Variants in HVCN1 observed in about 807,000 individuals in gnomAD.
HVCN1 encodes voltage-gated hydrogen channel 1.
A neutral mutation model predicts 29.2 loss-of-function variants in HVCN1; 14 were observed. The observed-to-expected ratio is 0.48, with a 90% CI of 0.32 to 0.75. The LOEUF is 0.75. HVCN1 is among the 30% of genes least tolerant of loss of function. The probability of loss-of-function intolerance (pLI) is 0.04; values close to 1 mark genes in which losing one functional copy is unlikely to be tolerated. For synonymous variants in HVCN1, 131 were observed against 133.2 expected (o/e 0.98, Z 0.11); for missense variants, 263 against 341.8 (o/e 0.77, Z 1.82).
In HVCN1 at chr12:110,676,240, C is replaced by T. The variant is rs924469944; in HGVS notation, c.21+6985G>A. 6.6e-6 allele frequency among the ~76,000 whole-genome samples: 1 copy of T among 152,230 alleles called. No homozygotes were observed. Among genetic ancestry groups the T allele is most frequent in the African/African-American group, 2.4e-5 (1 of 41,452 alleles). ...CACCCTCTGCCACTGCCCTGGCCAACCCCCTGCCTCACTTGGAGGCTGTCG... is the reference window on the plus strand; with the variant it reads ...CACCCTCTGCCACTGCCCTGGCCAATCCCCTGCCTCACTTGGAGGCTGTCG... On this transcript the variant is annotated intron_variant, in intron 3 of 7. Transcript: ENST00000242607. This position sits in a 1 kb window ranked among gnomAD's most constrained non-coding sequence, Gnocchi z 4.1.
At chr12:110,695,964 T>TC (rs1260565908) in intron 2 of HVCN1, among the ~76,000 whole-genome samples, 1 of 151,264 alleles carries the variant, frequency 6.6e-6, no homozygotes, top group Non-Finnish European at 1.5e-5. Flanking sequence ...TTTTTTTTTT[T>TC]TTTTTGAGAT....
intron 3 of HVCN1, among the ~76,000 whole-genome samples, chr12:110,672,789 C>T (rs2068627358): frequency 6.6e-6 from 1 of 152,110 alleles, no homozygotes; most frequent in African/African-American, 2.4e-5. Context: ...ATGGGTTTAT[C>T]AGGGGTTTCT....
At chr12:110,664,899 T>C (rs2068292437) in intron 3 of HVCN1, among the ~76,000 whole-genome samples, 1 of 151,972 alleles carries the variant, frequency 6.6e-6, no homozygotes, top group African/African-American at 2.4e-5. Flanking sequence ...CTACCAGAAA[T>C]TACATAGGAC....
chr12:110,672,331 C>T (rs538004973), intron 3 of HVCN1, among the ~76,000 whole-genome samples: 2 of 152,176 alleles, frequency 1.3e-5, no homozygotes, highest in African/African-American at 4.8e-5. Flanking sequence ...GAGACTCCCA[C>T]GTGCACACAG....
rs1373270559 is a variant in HVCN1 at position 110,648,688 on chromosome 12, T to A, written c.*722A>T. 12 of 216,346 alleles carry A rather than the reference T, an allele frequency of 5.5e-5. No individual in the cohort carries two copies. In the South Asian group the frequency reaches 7.1e-4, roughly 13 times the overall value. 13.4% of individuals were successfully genotyped at this position (216,346 alleles called of 1,614,324 possible). A position where few individuals can be genotyped will look rare whatever the true frequency, so the allele number is the denominator to read the frequency against. On this transcript the variant is annotated 3_prime_UTR_variant, in exon 8 of 8. Transcript: ENST00000242607. ...AATTATAGTGGAGTCTTGGGTCTAA[T>A]TGCCATTTCTGCACCAGGCACTGTA...
chr12:110,695,891 G>C (rs751151139), intron 2 of HVCN1, among the ~76,000 whole-genome samples: 9 of 152,180 alleles, frequency 5.9e-5, no homozygotes, highest in African/African-American at 2.2e-4. Flanking sequence ...CACAGAAGGG[G>C]CTGGAGTCCA....
intron 3 of HVCN1, among the ~76,000 whole-genome samples, chr12:110,675,401 G>A (rs1320520924): frequency 6.6e-6 from 1 of 152,218 alleles, no homozygotes; most frequent in Non-Finnish European, 1.5e-5. Context: ...GGAGGTTGCA[G>A]TGAGCCAAGA....
rs1015301752 is a variant in HVCN1 at position 110,649,336 on chromosome 12, G to C, written c.*74C>G. Reference sequence around the variant, plus strand: ...AAACCTCTCACCAAGCGGCCCAGGAGGGGCAGCTGTTCCTCTCGTGACAGC... The same window carrying C: ...AAACCTCTCACCAAGCGGCCCAGGACGGGCAGCTGTTCCTCTCGTGACAGC... On this transcript the variant is annotated 3_prime_UTR_variant, in exon 8 of 8. Coordinates refer to ENST00000242607, the MANE Select transcript of HVCN1 (RefSeq NM_032369.4). 3.3e-6 allele frequency: 4 copies of C among 1,224,828 alleles called. No homozygotes were observed. The highest frequency in any genetic ancestry group is 2.5e-5 in the South Asian group (2 of 79,756). The allele number at this position is 1,224,828 out of a possible 1,614,324, so 75.9% of individuals were successfully genotyped here. A position where few individuals can be genotyped will look rare whatever the true frequency, so the allele number is the denominator to read the frequency against.
intron 3 of HVCN1, among the ~76,000 whole-genome samples, chr12:110,674,114 TG>T (rs1256234587): frequency 6.6e-6 from 1 of 152,374 alleles, no homozygotes; most frequent in East Asian, 1.9e-4. Context: ...CCCAAGACTA[TG>T]GGAACCTACC....
intron 3 of HVCN1, among the ~76,000 whole-genome samples, chr12:110,673,292 T>C (rs1471815808): frequency 6.6e-6 from 1 of 152,194 alleles, no homozygotes; most frequent in Non-Finnish European, 1.5e-5. Context: ...TGTGGAGCTT[T>C]GAACTTGAGA....
intron 3 of HVCN1, among the ~76,000 whole-genome samples, chr12:110,662,541 C>T (rs1242464002): frequency 1.3e-5 from 2 of 152,192 alleles, no homozygotes; most frequent in East Asian, 3.9e-4. Context: ...CCCATCTCTA[C>T]AAAAAATACA....
chr12:110,657,804 A>G (rs1173422505), intron 4 of HVCN1, among the ~76,000 whole-genome samples: 1 of 152,156 alleles, frequency 6.6e-6, no homozygotes, highest in African/African-American at 2.4e-5. Context: ...TCACAAGGAA[A>G]ATTGCTGAGA....
chr12:110,697,546 G>A (rs1319109171), intron 2 of HVCN1, among the ~76,000 whole-genome samples: 2 of 152,108 alleles, frequency 1.3e-5, no homozygotes, highest in Non-Finnish European at 1.5e-5. Context: ...AGGACAGCTG[G>A]AGGGGCCCAC....
chr12:110,682,978 CA>C (rs1417019572), intron 3 of HVCN1: 26 of 346,452 alleles, frequency 7.5e-5, no homozygotes, highest in African/African-American at 3.2e-4. Context: ...AAAAAAAAAA[CA>C]AAAAAAACCG....
At chr12:110,685,544 G>T (rs888418836) in intron 2 of HVCN1, among the ~76,000 whole-genome samples, 11 of 152,208 alleles carry the variant, frequency 7.2e-5, no homozygotes, top group Non-Finnish European at 1.5e-4. Flanking sequence ...CCTGTATGAA[G>T]TGCACGCCTT....
At chr12:110,680,012 G>A (rs1216208909) in intron 3 of HVCN1, among the ~76,000 whole-genome samples, 3 of 152,152 alleles carry the variant, frequency 2.0e-5, no homozygotes, top group Non-Finnish European at 2.9e-5. Flanking sequence ...TCCTAACACA[G>A]CTGTTTTCCT....
chr12:110,675,474 C>T (rs558509257), intron 3 of HVCN1, among the ~76,000 whole-genome samples: 9 of 152,134 alleles, frequency 5.9e-5, no homozygotes, highest in African/African-American at 1.9e-4. Flanking sequence ...AAACAGAAAA[C>T]CAAAAATAAA....
chr12:110,701,278 G>A (rs1455471433), intron 2 of HVCN1, among the ~76,000 whole-genome samples: 1 of 152,192 alleles, frequency 6.6e-6, no homozygotes, highest in Non-Finnish European at 1.5e-5. Context: ...GGGAGCTGGG[G>A]AACACCTGTG....
rs1041153324 is a variant in HVCN1 at position 110,694,793 on chromosome 12, A to G, written c.-103-6085T>C. On this transcript the variant is annotated intron_variant, in intron 2 of 4. Transcript: ENST00000546713. This position sits in a 1 kb window ranked among gnomAD's most constrained non-coding sequence, Gnocchi z 4.6. ...GGCACCGATGCCTGATGACGCAGCT[A>G]TGTGAAAAGGGCACGGTCACCTCCA... 1.3e-5 allele frequency among the ~76,000 whole-genome samples: 2 copies of G among 152,206 alleles called. No homozygotes were observed. Among genetic ancestry groups the G allele is most frequent in the Admixed American group, 6.5e-5 (1 of 15,276 alleles).
Sources: allele counts gnomAD v4.1 joint callset (sites outside exome capture counted in the v4.1 genomes callset), GRCh38; gene constraint gnomAD v4.1.1; non-coding constraint Gnocchi (gnomAD v3.1); transcripts MANE v1.5; gene names NCBI Gene and HGNC (gene_info 2026-07-23, HGNC 2026-07-21).